The following ROPN1L variants were observed in gnomAD, a reference collection of about 807,000 sequenced individuals.
The protein encoded by ROPN1L is rhophilin associated tail protein 1 like.
A neutral mutation model predicts 22.7 loss-of-function variants in ROPN1L; 23 were observed. The ratio of observed to expected loss-of-function variants is 1.01; its 90% CI spans 0.73 to 1.43. The LOEUF (loss-of-function observed/expected upper bound fraction) is 1.43, where lower values mean the gene tolerates loss of function less well. ROPN1L is among the 40% of genes most tolerant of loss of function. The pLI, the probability that ROPN1L is intolerant of heterozygous loss-of-function variation, is 0.00. For synonymous variants in ROPN1L, 116 were observed against 117.8 expected (o/e 0.98, Z 0.10); for missense variants, 271 against 291.5 (o/e 0.93, Z 0.51).
chr5:10,473,258 TGTC>T (rs2126484735), downstream of ROPN1L, among the ~76,000 whole-genome samples: 1 of 152,270 alleles, frequency 6.6e-6, no homozygotes, highest in East Asian at 1.9e-4. Flanking sequence ...TCTTTGTAGA[TGTC>T]GTTAATTTAA....
At chr5:10,461,794 T>G (rs749193363) in intron 4 of ROPN1L, among the ~76,000 whole-genome samples, 6 of 152,154 alleles carry the variant, frequency 3.9e-5, no homozygotes, top group Non-Finnish European at 8.8e-5. Flanking sequence ...AGGGAAACAC[T>G]CATGTTTACT....
Position 10,442,120 on chromosome 5 carries a change from C to G in ROPN1L, c.-48C>G, listed in dbSNP as rs143747968. 2.1e-4 allele frequency: 339 copies of G among 1,583,032 alleles called. No homozygotes were observed. The highest frequency in any genetic ancestry group is 3.4e-4 in the Middle Eastern group (2 of 5,960). On this transcript the variant is annotated 5_prime_UTR_variant, in exon 1 of 5. Transcript: ENST00000274134. ...TCGTAGCCGACAGCCGCCCTTCTTC[C>G]TCGCAGCGCGCCGCGATTCACCAGC... is the stretch of plus-strand genomic sequence containing the variant.
At chr5:10,446,048 A>G (rs1741054177) in intron 1 of ROPN1L, among the ~76,000 whole-genome samples, 1 of 152,214 alleles carries the variant, frequency 6.6e-6, no homozygotes, top group South Asian at 2.1e-4. Context: ...CCTCCCCCTA[A>G]GCCTGTGGAC....
Position 10,441,944 on chromosome 5 carries a change from C to T in ROPN1L, c.-224C>T, listed in dbSNP as rs1056437856. ...GGCTGGCGCTAGGGAACTGCAGGGT[C>T]TAGGGTGTTGTCGGAGTGGCAGTTG... On this transcript the variant is annotated 5_prime_UTR_variant, in exon 1 of 5. Transcript: ENST00000274134. 3.7e-6 allele frequency: 2 copies of T among 536,916 alleles called. No homozygotes were observed. The highest frequency in any genetic ancestry group is 6.6e-6 in the Non-Finnish European group (2 of 301,366). 33.3% of individuals were successfully genotyped at this position (536,916 alleles called of 1,614,324 possible). A position where few individuals can be genotyped will look rare whatever the true frequency, so the allele number is the denominator to read the frequency against.
downstream of ROPN1L, among the ~76,000 whole-genome samples, chr5:10,466,044 C>T (rs1160696616): frequency 1.3e-5 from 2 of 152,134 alleles, no homozygotes; most frequent in African/African-American, 4.8e-5. Flanking sequence ...TGGACAGCAG[C>T]GTGATCCACT....
In ROPN1L at chr5:10,442,060, G is replaced by T. The variant is rs955542917; in HGVS notation, c.-108G>T. On this transcript the variant is annotated 5_prime_UTR_variant, in exon 1 of 5. Coordinates refer to ENST00000274134, the MANE Select transcript of ROPN1L (RefSeq NM_031916.5). Reference sequence around the variant, plus strand: ...GGGAACGGGATGGGAGGCGGCCCTGGCCGCAAGCCCCGCGCTGCTAGCGGG... The same window carrying T: ...GGGAACGGGATGGGAGGCGGCCCTGTCCGCAAGCCCCGCGCTGCTAGCGGG... 7 of 1,481,260 alleles carry T rather than the reference G, an allele frequency of 4.7e-6. No individual in the cohort carries two copies. The highest frequency in any genetic ancestry group is 6.4e-6 in the Non-Finnish European group (7 of 1,091,408). 91.8% of individuals were successfully genotyped at this position (1,481,260 alleles called of 1,614,324 possible). A position where few individuals can be genotyped will look rare whatever the true frequency, so the allele number is the denominator to read the frequency against.
rs566038853 is a variant in ROPN1L at position 10,460,826 on chromosome 5, G to A, written c.418-358G>A. Among the ~76,000 whole-genome samples, 6 of 152,340 alleles carry A rather than the reference G, an allele frequency of 3.9e-5. No individual in the cohort carries two copies. In the East Asian group the frequency reaches 7.7e-4, roughly 20 times the overall value. The stretch of plus-strand genomic sequence containing the variant: ...CAGAGTTCATTCAGCCCCTGGGCAC[G>A]TCCCCGGGTGTGTCTCCGGGCCAGA... On this transcript the variant is annotated intron_variant, in intron 3 of 4. Coordinates refer to ENST00000274134, the MANE Select transcript of ROPN1L (RefSeq NM_031916.5).
chr5:10,451,514 C>G (rs1303330337), intron 3 of ROPN1L, among the ~76,000 whole-genome samples: 1 of 152,226 alleles, frequency 6.6e-6, no homozygotes, highest in African/African-American at 2.4e-5. Context: ...CAGTAATTTT[C>G]TGAAATTTTC....
At chr5:10,467,825 G>A (rs757861902), downstream of ROPN1L, among the ~76,000 whole-genome samples, 4 of 152,112 alleles carry the variant, frequency 2.6e-5, no homozygotes, top group Non-Finnish European at 5.9e-5. Flanking sequence ...CACCTGTGTC[G>A]TCTCAGAGTA....
downstream of ROPN1L, among the ~76,000 whole-genome samples, chr5:10,467,391 A>G (rs901750965): frequency 2.6e-5 from 4 of 152,202 alleles, no homozygotes; most frequent in Admixed American, 2.6e-4. Context: ...TTATTTTGCC[A>G]AGGTTAAGGA....
At chr5:10,457,102 A>G (rs1741444809) in intron 3 of ROPN1L, among the ~76,000 whole-genome samples, 3 of 152,244 alleles carry the variant, frequency 2.0e-5, no homozygotes, top group African/African-American at 7.2e-5. Flanking sequence ...ACAGTCTTTT[A>G]GAGGAGCCAC....
chr5:10,480,053 A>G, the ROPN1L span, among the ~76,000 whole-genome samples: 5 of 152,160 alleles, frequency 3.3e-5, no homozygotes, highest in South Asian at 2.1e-4. Flanking sequence ...CAACATGTCA[A>G]CTCTTTAGGA....
chr5:10,444,451 CG>C (rs1202378580), intron 1 of ROPN1L, among the ~76,000 whole-genome samples: 1 of 151,998 alleles, frequency 6.6e-6, no homozygotes, highest in East Asian at 2.0e-4. Context: ...CCACCACACC[CG>C]GCTAATTTTT....
chr5:10,475,999 G>T (rs796350525), downstream of ROPN1L, among the ~76,000 whole-genome samples: 1 of 152,310 alleles, frequency 6.6e-6, no homozygotes, highest in African/African-American at 2.4e-5. Context: ...ATCTGCATGG[G>T]TGCAGTTCAT....
chr5:10,454,149 C>T (rs1191307941), intron 3 of ROPN1L, among the ~76,000 whole-genome samples: 2 of 150,856 alleles, frequency 1.3e-5, no homozygotes, highest in African/African-American at 2.4e-5. Flanking sequence ...TTTTAAGAGA[C>T]AGGGTCTCGT....
intron 3 of ROPN1L, among the ~76,000 whole-genome samples, chr5:10,454,493 T>A (rs1741354595): frequency 6.6e-6 from 1 of 152,206 alleles, no homozygotes; most frequent in African/African-American, 2.4e-5. Context: ...TCAAAATGTT[T>A]TGTTTTGTCT....
At chr5:10,456,194 A>G (rs1418804739) in intron 3 of ROPN1L, among the ~76,000 whole-genome samples, 1 of 152,194 alleles carries the variant, frequency 6.6e-6, no homozygotes, top group Non-Finnish European at 1.5e-5. Flanking sequence ...TTGGTTAAAA[A>G]CTAAGTGTTT....
chr5:10,453,284 G>A (rs1741310699), intron 3 of ROPN1L, among the ~76,000 whole-genome samples: 1 of 152,076 alleles, frequency 6.6e-6, no homozygotes, highest in Non-Finnish European at 1.5e-5. Context: ...TGGCTCCCGC[G>A]GCCCACAGAG....
the ROPN1L span, among the ~76,000 whole-genome samples, chr5:10,480,469 A>G: frequency 6.6e-6 from 1 of 151,230 alleles, no homozygotes; most frequent in Non-Finnish European, 1.5e-5. Context: ...GGAGAATCCT[A>G]TTTTGGTTGC....
Sources: allele counts gnomAD v4.1 joint callset (sites outside exome capture counted in the v4.1 genomes callset), GRCh38; gene constraint gnomAD v4.1.1; transcripts MANE v1.5; gene names NCBI Gene and HGNC (gene_info 2026-07-23, HGNC 2026-07-21).